Variants in TECTA observed in about 807,000 individuals in gnomAD.
The protein encoded by TECTA is tectorin alpha, also known as alpha-tectorin.
Under a neutral mutation model 216.8 loss-of-function variants are expected in TECTA, and 128 were observed. The observed-to-expected ratio is 0.59, with a 90% CI of 0.51 to 0.68. The LOEUF (loss-of-function observed/expected upper bound fraction) is 0.68. TECTA is among the 30% of genes least tolerant of loss of function. The probability of loss-of-function intolerance (pLI) is 0.00; values close to 1 mark genes in which losing one functional copy is unlikely to be tolerated. For missense variants in TECTA, 2,551 were observed against 2,786.2 expected, an observed-to-expected ratio of 0.92 and a Z score of 1.90; for synonymous variants, 1,089 against 1,117.1, an observed-to-expected ratio of 0.97 and a Z score of 0.50.
In TECTA at chr11:121,113,045, A is replaced by G; in HGVS notation, c.487-27A>G. ...CAGGACCTCCTGGGGAGTGCAAGTC[A>G]TGAGACTGCGCATTCCCATCCTGTA... On this transcript the variant is annotated intron_variant, in intron 4 of 23. Coordinates refer to ENST00000392793, the MANE Select transcript of TECTA (RefSeq NM_005422.4). This position sits in a 1 kb window ranked among gnomAD's most constrained non-coding sequence, Gnocchi z 4.2. 1 of 1,613,920 alleles carries G rather than the reference A, an allele frequency of 6.2e-7. No homozygotes were observed. The highest frequency in any genetic ancestry group is 8.5e-7 in the Non-Finnish European group (1 of 1,179,962).
At chr11:121,157,397 C>A (rs566778479) in intron 13 of TECTA, among the ~76,000 whole-genome samples, 1 of 152,068 alleles carries the variant, frequency 6.6e-6, no homozygotes, top group Non-Finnish European at 1.5e-5. Flanking sequence ...TCGAGCCTAG[C>A]AGTTCAAGAA....
chr11:121,151,887 G>A (rs1006899212), intron 12 of TECTA, among the ~76,000 whole-genome samples: 6 of 152,194 alleles, frequency 3.9e-5, no homozygotes, highest in East Asian at 1.9e-4. Flanking sequence ...TTTAGTATAC[G>A]TTGATTGAGA....
At chr11:121,184,899 C>A (rs1341202767) in intron 20 of TECTA, among the ~76,000 whole-genome samples, 1 of 152,228 alleles carries the variant, frequency 6.6e-6, no homozygotes. Flanking sequence ...AGTGGGTGAG[C>A]ATCACAATTA....
intron 17 of TECTA, among the ~76,000 whole-genome samples, chr11:121,166,183 G>A (rs1315026324): frequency 2.0e-5 from 3 of 152,200 alleles, no homozygotes; most frequent in Admixed American, 2.0e-4. Context: ...ATCAGCAGGG[G>A]CTTCAGATGT....
Position 121,160,185 on chromosome 11 carries a change from A to C in TECTA, c.4740A>C (p.Lys1580Asn), listed in dbSNP as rs539203611. 18 of 1,614,192 alleles carry C rather than the reference A, an allele frequency of 1.1e-5. No individual in the cohort carries two copies. The South Asian group carries it at 2.0e-4, about 18-fold the overall frequency. ...CATTTATAACTGGTTTGGCAACCAA[A>C]ATCTACAGCAGTGAGGGGTTTCTGG... ...NVPFITGLAT[K>N]IYSSEGFLVI... The change falls in exon 15 of 24, where the codon AAA (lysine) becomes AAC (asparagine). Residue 1580 changes from lysine to asparagine, a missense_variant. Physicochemically the swap from Lys to Asn is moderately conservative, Grantham distance 94. Around this residue, in one of 3 missense-constraint regions of TECTA, gnomAD observed 2,375 missense variants for 2,563.9 expected, o/e 0.93. Transcript: ENST00000392793.
At chr11:121,112,644 G>T (rs1232922690) in intron 4 of TECTA, among the ~76,000 whole-genome samples, 1 of 152,174 alleles carries the variant, frequency 6.6e-6, no homozygotes, top group Non-Finnish European at 1.5e-5. Context: ...TAATCACACG[G>T]ACTGGTATCT....
intron 3 of TECTA, among the ~76,000 whole-genome samples, chr11:121,108,627 A>T (rs1946413581): frequency 7.0e-6 from 1 of 143,444 alleles, no homozygotes; most frequent in Admixed American, 7.0e-5. Context: ...CACACTCCCC[A>T]CCCCAGAATA....
Position 121,118,568 on chromosome 11 carries a change from G to T in TECTA, c.1053G>T (p.Gln351His), listed in dbSNP as rs747596399. Residue 351 changes from glutamine (Q) to histidine (H), a missense_variant, in exon 7 of 24, where the codon CAG (glutamine) becomes CAT (histidine). Transcript: ENST00000392793. ...CCTGTGCCTACTTGCTGGCCCGACA[G>T]TGTTTGCAGACTTCCAGCCTCCCTT... is the stretch of plus-strand genomic sequence containing the variant. Reference protein sequence around the residue: ...QGSCAYLLARQCLQTSSLPFF... With the variant: ...QGSCAYLLARHCLQTSSLPFF... 1 of 1,614,216 alleles carries T rather than the reference G, an allele frequency of 6.2e-7. No homozygotes were observed. The highest frequency in any genetic ancestry group is 2.2e-5 in the East Asian group (1 of 44,888).
chr11:121,143,128 A>T (rs1375089779), intron 11 of TECTA, among the ~76,000 whole-genome samples: 1 of 152,156 alleles, frequency 6.6e-6, no homozygotes, highest in African/African-American at 2.4e-5. Flanking sequence ...AAGATTGCTG[A>T]TGTTTTTGTT....
chr11:121,102,704 C>A lies in TECTA; in HGVS notation c.39C>A (p.Phe13Leu). The A allele has an allele frequency of 6.2e-7, 1 of 1,613,808 alleles. No individual in the cohort carries two copies. Among genetic ancestry groups the A allele is most frequent in the Non-Finnish European group, 8.5e-7 (1 of 1,179,764 alleles). Residue 13 changes from phenylalanine (F) to leucine (L), a missense_variant, in exon 2 of 24, where the codon TTC (phenylalanine) becomes TTA (leucine). Physicochemically the swap from Phe to Leu is conservative, Grantham distance 22 (BLOSUM62 0). Transcript: ENST00000392793. ...YSSFLRIWVSFIFALVQHQAQ... is the reference protein window; with the variant it reads ...YSSFLRIWVSLIFALVQHQAQ... ...CATTCCTTAGAATTTGGGTCTCTTT[C>A]ATCTTCGCACTTGTACAGCACCAAG...
At chr11:121,119,708 A>T (rs933059672) in intron 7 of TECTA, among the ~76,000 whole-genome samples, 2 of 152,178 alleles carry the variant, frequency 1.3e-5, no homozygotes, top group African/African-American at 2.4e-5. Context: ...TTTCTTTTTT[A>T]AAAAAATGTG....
chr11:121,127,889 G>A lies in TECTA; in HGVS notation c.1912G>A (p.Val638Ile), dbSNP rs764685019. 6.8e-6 allele frequency: 11 copies of A among 1,613,946 alleles called. No homozygotes were observed. The African/African-American group carries it at 8.0e-5, about 12-fold the overall frequency. The change falls in exon 9 of 24, where the codon GTC (valine) becomes ATC (isoleucine). Residue 638 changes from valine to isoleucine, a missense_variant. Coordinates refer to ENST00000392793, the MANE Select transcript of TECTA (RefSeq NM_005422.4). This position sits in a 1 kb window ranked among gnomAD's most constrained non-coding sequence, Gnocchi z 5.0. ...TEGCECNQGF[V>I]LSTSQCVPLH... ...GGGCTGCGAGTGCAACCAGGGCTTC[G>A]TCCTCAGCACCAGCCAGTGCGTCCC...
At chr11:121,185,384 A>AGTGCTT (rs1947273678) in intron 20 of TECTA, among the ~76,000 whole-genome samples, 3 of 139,446 alleles carry the variant, frequency 2.2e-5, no homozygotes, top group African/African-American at 7.9e-5. Flanking sequence ...GCAGATGTTC[A>AGTGCTT]ATGCTTAATG....
At chr11:121,177,221 G>T (rs1302956863) in intron 20 of TECTA, among the ~76,000 whole-genome samples, 1 of 152,216 alleles carries the variant, frequency 6.6e-6, no homozygotes, top group Non-Finnish European at 1.5e-5. Context: ...CTGGTGAGGA[G>T]CTGCATTCCT....
chr11:121,135,979 G>C (rs897924493), intron 10 of TECTA, among the ~76,000 whole-genome samples: 6 of 149,510 alleles, frequency 4.0e-5, no homozygotes, highest in Admixed American at 4.0e-4. Flanking sequence ...TTTTTCTCCA[G>C]ACGGAGTCTC....
intron 13 of TECTA, among the ~76,000 whole-genome samples, chr11:121,154,950 G>C (rs1340916720): frequency 6.6e-6 from 1 of 152,218 alleles, no homozygotes; most frequent in African/African-American, 2.4e-5. Context: ...AGCATGGTCA[G>C]CTCTTGGCTG....
At chr11:121,187,623 T>G (rs186002953) in intron 20 of TECTA, among the ~76,000 whole-genome samples, 1 of 152,324 alleles carries the variant, frequency 6.6e-6, no homozygotes, top group Admixed American at 6.5e-5. Flanking sequence ...TTCAAGGTGG[T>G]GTTTGATGTT....
rs774643662 is a variant in TECTA, at chr11:121,168,216, AG to A, written c.5750+1del. The A allele has an allele frequency of 6.2e-7, 1 of 1,614,200 alleles. No homozygotes were observed. Among genetic ancestry groups the A allele is most frequent in the Admixed American group, 1.7e-5 (1 of 60,032 alleles). On this transcript the variant is annotated frameshift_variant and splice_region_variant, in exon 19 of 24. Transcript: ENST00000392793. LOFTEE classifies it high-confidence loss of function. ...GGATTCTGTTGTGAAGCCTATGCTA[AG>A]GTAAGGTGTCTCCTGGGCTGTGCAC... ...SLDSVVKPML[S>X]VINLTVPTQE... is the part of the protein sequence containing the mutation.
At chr11:121,134,400 G>A (rs1269073394) in intron 10 of TECTA, among the ~76,000 whole-genome samples, 1 of 151,016 alleles carries the variant, frequency 6.6e-6, no homozygotes, top group Non-Finnish European at 1.5e-5. Context: ...AATCCAAGGA[G>A]CATGTGGAGA....
Sources: allele counts gnomAD v4.1 joint callset (sites outside exome capture counted in the v4.1 genomes callset), GRCh38; gene constraint gnomAD v4.1.1; regional missense constraint gnomAD v4.1.1; non-coding constraint Gnocchi (gnomAD v3.1); transcripts MANE v1.5; gene names NCBI Gene and HGNC (gene_info 2026-07-23, HGNC 2026-07-21).